ROBO1: variants seen among roughly 807,000 people sequenced by gnomAD.
The protein encoded by ROBO1 is roundabout homolog 1.
Under a neutral mutation model 195.9 loss-of-function variants are expected in ROBO1, and 149 were observed. The observed-to-expected ratio is 0.76, with a 90% confidence interval of 0.67 to 0.87. The LOEUF is 0.87. ROBO1 is among the 40% of genes least tolerant of loss of function. The probability of loss-of-function intolerance (pLI) is 0.00; values close to 1 mark genes in which losing one functional copy is unlikely to be tolerated. For missense variants in ROBO1, 1,933 were observed against 2,068.3 expected, an observed-to-expected ratio of 0.93 and a Z score of 1.27; for synonymous variants, 816 against 733.2, an observed-to-expected ratio of 1.11 and a Z score of -1.82.
At chr3:78,794,668 C>G (rs888351898) in intron 4 of ROBO1, among the ~76,000 whole-genome samples, 1 of 152,140 alleles carries the variant, frequency 6.6e-6, no homozygotes, top group Non-Finnish European at 1.5e-5. Flanking sequence ...GCCCTGCAGC[C>G]TCAACTTCCT....
At chr3:79,097,249 C>A (rs2108502469) in intron 3 of ROBO1, among the ~76,000 whole-genome samples, 1 of 151,814 alleles carries the variant, frequency 6.6e-6, no homozygotes. Context: ...TAGATTATTT[C>A]TAAATTACTG....
chr3:79,427,565 A>G (rs1385756024), intron 2 of ROBO1, among the ~76,000 whole-genome samples: 2 of 152,140 alleles, frequency 1.3e-5, no homozygotes, highest in Admixed American at 1.3e-4. Flanking sequence ...TTAAAAATGG[A>G]GATGCTTTGG....
intron 4 of ROBO1, among the ~76,000 whole-genome samples, chr3:78,753,415 C>A (rs140358839): frequency 9.1e-4 from 139 of 152,228 alleles, no homozygotes; most frequent in Middle Eastern, 6.8e-3. Context: ...CTTATTCCAA[C>A]AGCACTAAGT....
At chr3:78,941,601 C>G (rs1179078127) in intron 3 of ROBO1, among the ~76,000 whole-genome samples, 1 of 152,064 alleles carries the variant, frequency 6.6e-6, no homozygotes, top group Non-Finnish European at 1.5e-5. Context: ...ATTGCCTGAG[C>G]AAGTCAGAGA....
chr3:79,314,469 C>A (rs976482555), intron 2 of ROBO1, among the ~76,000 whole-genome samples: 3 of 152,164 alleles, frequency 2.0e-5, no homozygotes, highest in Non-Finnish European at 4.4e-5. Context: ...CTCTTTGCTG[C>A]CGCATGTGAA....
chr3:78,743,277 T>C (rs1305038648), intron 5 of ROBO1, among the ~76,000 whole-genome samples: 1 of 151,852 alleles, frequency 6.6e-6, no homozygotes, highest in East Asian at 1.9e-4. Flanking sequence ...CTTGTCAAGG[T>C]CATTTATGAC....
intron 2 of ROBO1, among the ~76,000 whole-genome samples, chr3:79,249,117 T>C (rs1225951177): frequency 2.0e-5 from 3 of 152,140 alleles, no homozygotes; most frequent in Non-Finnish European, 4.4e-5. Context: ...CTTTTAAAAG[T>C]GTACCTAATT....
intron 10 of ROBO1, among the ~76,000 whole-genome samples, chr3:78,685,309 C>A (rs113735817): frequency 8.5e-5 from 13 of 152,102 alleles, no homozygotes; most frequent in African/African-American, 2.9e-4. Flanking sequence ...GGGGAGTTGA[C>A]AGAATGAAAT....
At position 78,725,316 on chromosome 3, in the gene ROBO1, G is replaced by T. The variant is rs1421045940; in HGVS notation, c.658-7433C>A. Among the ~76,000 whole-genome samples the T allele has an allele frequency of 2.6e-5, 4 of 152,058 alleles. No homozygotes were observed. In the East Asian group the frequency reaches 5.8e-4, roughly 22 times the overall value. ...AGAGGAGAGAGGAAAAGAAGATAAAGAATTTTAAAGTTTCAAATATATTTA... is the reference window on the plus strand; with the variant it reads ...AGAGGAGAGAGGAAAAGAAGATAAATAATTTTAAAGTTTCAAATATATTTA... On this transcript the variant is annotated intron_variant, in intron 5 of 30. Transcript: ENST00000464233.
At chr3:79,219,395 G>A (rs2082101602) in intron 2 of ROBO1, among the ~76,000 whole-genome samples, 1 of 152,038 alleles carries the variant, frequency 6.6e-6, no homozygotes, top group Non-Finnish European at 1.5e-5. Context: ...ACTTTTTAAT[G>A]GACATGTTAG....
chr3:79,417,646 G>C (rs529874937), intron 2 of ROBO1, among the ~76,000 whole-genome samples: 1 of 152,078 alleles, frequency 6.6e-6, no homozygotes, highest in Admixed American at 6.5e-5. Flanking sequence ...TATAATTTCC[G>C]CATTAGCTGG....
intron 8 of ROBO1, among the ~76,000 whole-genome samples, chr3:78,696,396 A>G (rs2081290260): frequency 6.6e-6 from 1 of 152,082 alleles, no homozygotes; most frequent in South Asian, 2.1e-4. Flanking sequence ...CTTCTTTTGC[A>G]TGAGAAAACA....
chr3:79,119,640 G>A (rs959075061), intron 3 of ROBO1, among the ~76,000 whole-genome samples: 1 of 152,096 alleles, frequency 6.6e-6, no homozygotes, highest in Non-Finnish European at 1.5e-5. Flanking sequence ...AGTAGAGATG[G>A]TTTAATTTAT....
chr3:79,290,426 C>A (rs2032176191), intron 2 of ROBO1, among the ~76,000 whole-genome samples: 1 of 151,892 alleles, frequency 6.6e-6, no homozygotes, highest in African/African-American at 2.4e-5. Flanking sequence ...ATACTTAAGT[C>A]CCTCTCTTTC....
At chr3:79,651,968 A>G (rs1332744906) in intron 1 of ROBO1, among the ~76,000 whole-genome samples, 1 of 152,100 alleles carries the variant, frequency 6.6e-6, no homozygotes, top group African/African-American at 2.4e-5. Context: ...TGCAATGCCA[A>G]ATATTTATAG....
intron 4 of ROBO1, among the ~76,000 whole-genome samples, chr3:78,881,561 T>A (rs2036181514): frequency 6.6e-6 from 1 of 152,200 alleles, no homozygotes; most frequent in African/African-American, 2.4e-5. Context: ...CTTATATAAG[T>A]ACTTTGTTTT....
intron 2 of ROBO1, among the ~76,000 whole-genome samples, chr3:79,235,377 G>C (rs1028180147): frequency 6.6e-6 from 1 of 151,934 alleles, no homozygotes; most frequent in Non-Finnish European, 1.5e-5. Flanking sequence ...CATTATAATA[G>C]TAAGGGGCGC....
At chr3:79,323,098 T>A (rs1444854640) in intron 2 of ROBO1, among the ~76,000 whole-genome samples, 1 of 151,802 alleles carries the variant, frequency 6.6e-6, no homozygotes, top group African/African-American at 2.4e-5. Flanking sequence ...TTTTTTTTTT[T>A]TGAGACGAAG....
intron 3 of ROBO1, among the ~76,000 whole-genome samples, chr3:79,068,794 A>G (rs557282211): frequency 6.6e-6 from 1 of 151,868 alleles, no homozygotes; most frequent in Non-Finnish European, 1.5e-5. Flanking sequence ...TTTCTCAATT[A>G]TTATTCTGAA....
Sources: gnomAD v4.1 joint callset for allele counts (sites outside exome capture counted in the v4.1 genomes callset) on GRCh38, gnomAD v4.1.1 for gene constraint, MANE v1.5 for transcripts, NCBI Gene and HGNC (gene_info 2026-07-23, HGNC 2026-07-21) for gene names.